The following PARD3B variants were observed in gnomAD, a reference collection of about 807,000 sequenced individuals.
The protein encoded by PARD3B is partitioning defective 3 homolog B.
Under a neutral mutation model 130.2 loss-of-function variants are expected in PARD3B, and 103 were observed. The ratio of observed to expected loss-of-function variants is 0.79; its 90% CI spans 0.67 to 0.93. The LOEUF (loss-of-function observed/expected upper bound fraction) is 0.93. Ranked by LOEUF, PARD3B falls within the 40% of genes least tolerant of loss-of-function variation. The pLI is 0.00. For synonymous variants in PARD3B, 583 were observed against 553.2 expected (o/e 1.05, Z -0.76); for missense variants, 1,609 against 1,499.2 (o/e 1.07, Z -1.21).
At chr2:205,072,614 G>A (rs1462640639) in intron 4 of PARD3B, among the ~76,000 whole-genome samples, 1 of 152,084 alleles carries the variant, frequency 6.6e-6, no homozygotes, top group East Asian at 1.9e-4. Context: ...CACAACTATG[G>A]TACAGTATAA....
chr2:204,616,336 A>G (rs559070608), intron 1 of PARD3B, among the ~76,000 whole-genome samples: 10 of 152,330 alleles, frequency 6.6e-5, no homozygotes, highest in African/African-American at 2.4e-4. Context: ...CTCAACAAAG[A>G]GGTACAGATG....
intron 18 of PARD3B, among the ~76,000 whole-genome samples, chr2:205,394,352 C>T (rs1337327966): frequency 2.0e-5 from 3 of 152,128 alleles, no homozygotes; most frequent in African/African-American, 7.2e-5. Context: ...ATACATGCTG[C>T]ATCACATTAA....
chr2:204,694,756 C>T (rs774271678), intron 2 of PARD3B, among the ~76,000 whole-genome samples: 15 of 151,848 alleles, frequency 9.9e-5, no homozygotes, highest in African/African-American at 2.4e-4. Flanking sequence ...ATGTGCCTTC[C>T]GCAATTTAGT....
intron 2 of PARD3B, among the ~76,000 whole-genome samples, chr2:204,847,292 T>G (rs2044504152): frequency 6.6e-6 from 1 of 151,266 alleles, no homozygotes; most frequent in Non-Finnish European, 1.5e-5. Flanking sequence ...GAAGCCACCA[T>G]AAGAAATATG....
chr2:204,707,419 A>G (rs776500169), intron 2 of PARD3B, among the ~76,000 whole-genome samples: 3 of 152,120 alleles, frequency 2.0e-5, no homozygotes, highest in Admixed American at 2.0e-4. Flanking sequence ...TTTGGCTTCT[A>G]TTTTATATGG....
At chr2:205,419,005 T>C (rs774573618) in intron 19 of PARD3B, among the ~76,000 whole-genome samples, 2 of 152,218 alleles carry the variant, frequency 1.3e-5, no homozygotes, top group Non-Finnish European at 2.9e-5. Flanking sequence ...AATATTTCTA[T>C]ACTTATAAGT....
Position 204,967,052 on chromosome 2 carries a change from C to T in PARD3B, c.394+1729C>T, listed in dbSNP as rs1575439189. On this transcript the variant is annotated intron_variant, in intron 3 of 22. Coordinates refer to ENST00000406610, the MANE Select transcript of PARD3B (RefSeq NM_001302769.2). This position sits in a 1 kb window ranked among gnomAD's most constrained non-coding sequence, Gnocchi z 4.4. The stretch of plus-strand genomic sequence containing the variant: ...TGTGAGAAACCATTTTGCTGTGCTG[C>T]CTCTGACATGCAATTCCTAAAACAA... Among the ~76,000 whole-genome samples, 2 of 152,280 alleles carry T rather than the reference C, an allele frequency of 1.3e-5. No homozygotes were observed. Among genetic ancestry groups the T allele is most frequent in the Non-Finnish European group, 2.9e-5 (2 of 68,026 alleles).
intron 1 of PARD3B, among the ~76,000 whole-genome samples, chr2:204,621,598 T>G (rs1019905526): frequency 2.0e-5 from 3 of 152,178 alleles, no homozygotes. Context: ...TTTTGGAAAT[T>G]TCTTATAAAT....
At chr2:204,652,050 GA>G (rs754737251) in intron 1 of PARD3B, among the ~76,000 whole-genome samples, 6 of 152,206 alleles carry the variant, frequency 3.9e-5, no homozygotes, top group Non-Finnish European at 5.9e-5. Context: ...CAGGACCTGT[GA>G]TGGGAGGGGC....
Position 204,996,985 on chromosome 2 carries a change from C to G in PARD3B, c.394+31662C>G, listed in dbSNP as rs1288710286. Among the ~76,000 whole-genome samples, 3 of 152,122 alleles carry G rather than the reference C, an allele frequency of 2.0e-5. No individual in the cohort carries two copies. In the East Asian group the frequency reaches 5.8e-4, roughly 29 times the overall value. ...ACTGGCCTGCGCCCACTGTCTGGCA[C>G]TCCCTAGTGAGATGAACCCGGTACC... On this transcript the variant is annotated intron_variant, in intron 3 of 22. Transcript: ENST00000406610.
intron 2 of PARD3B, among the ~76,000 whole-genome samples, chr2:204,963,875 A>G (rs1479741531): frequency 6.6e-6 from 1 of 152,218 alleles, no homozygotes; most frequent in East Asian, 1.9e-4. Context: ...GGATTTTCCA[A>G]TTAAAGAAGT....
intron 2 of PARD3B, among the ~76,000 whole-genome samples, chr2:204,787,942 G>A (rs889358211): frequency 1.3e-5 from 2 of 152,106 alleles, no homozygotes; most frequent in African/African-American, 4.8e-5. Flanking sequence ...GGAGCTCCTG[G>A]GGGCCTCCTG....
intron 19 of PARD3B, among the ~76,000 whole-genome samples, chr2:205,406,659 C>G (rs1382657662): frequency 1.1e-5 from 1 of 87,426 alleles, no homozygotes; most frequent in African/African-American, 4.7e-5. Context: ...TCTTGTGTAT[C>G]TTTTTTTTTT....
chr2:205,587,534 A>G (rs899495519), intron 22 of PARD3B, among the ~76,000 whole-genome samples: 1 of 152,180 alleles, frequency 6.6e-6, no homozygotes, highest in African/African-American at 2.4e-5. Context: ...TAAGAAACGC[A>G]GTAATACTAA....
chr2:204,998,394 A>ACATATATATATATGTATGTGTGTG, intron 3 of PARD3B, among the ~76,000 whole-genome samples: 1 of 75,942 alleles, frequency 1.3e-5, no homozygotes, highest in South Asian at 3.3e-4. Context: ...GTGTGTATAT[A>ACATATATATATATGTATGTGTGTG]TGTATATATG....
intron 18 of PARD3B, among the ~76,000 whole-genome samples, chr2:205,381,016 T>TGTATATA (rs1559035317): frequency 0.018 from 961 of 54,066 alleles, 231 homozygotes; most frequent in Non-Finnish European, 0.019. Context: ...ATATAAAGAA[T>TGTATATA]ATATATGATA....
intron 2 of PARD3B, among the ~76,000 whole-genome samples, chr2:204,731,650 A>G (rs1382906357): frequency 6.6e-6 from 1 of 152,188 alleles, no homozygotes; most frequent in Non-Finnish European, 1.5e-5. Flanking sequence ...ATAGAATCAC[A>G]CCTGAATTGA....
At chr2:205,302,252 A>G (rs1329337894) in intron 18 of PARD3B, among the ~76,000 whole-genome samples, 1 of 151,342 alleles carries the variant, frequency 6.6e-6, no homozygotes, top group East Asian at 2.0e-4. Context: ...TATTTTTAGT[A>G]GAGTGGAGTT....
rs1018526256 is a variant in PARD3B at position 205,351,273 on chromosome 2, G to A, written c.2630+49572G>A. ...TAAATACGGGTACATCTTTGAAACC[G>A]GTGTTTTTGATAAGACCACTCCTTT... On this transcript the variant is annotated intron_variant, in intron 18 of 22. Coordinates refer to ENST00000406610, the MANE Select transcript of PARD3B (RefSeq NM_001302769.2). This position sits in a 1 kb window ranked among gnomAD's most constrained non-coding sequence, Gnocchi z 4.2. Among the ~76,000 whole-genome samples, 7 of 152,098 alleles carry A rather than the reference G, an allele frequency of 4.6e-5. No individual in the cohort carries two copies. Among genetic ancestry groups the A allele is most frequent in the Admixed American group, 6.5e-5 (1 of 15,280 alleles).
Sources: gnomAD v4.1 joint callset for allele counts (sites outside exome capture counted in the v4.1 genomes callset) on GRCh38, gnomAD v4.1.1 for gene constraint, Gnocchi (gnomAD v3.1) non-coding constraint, MANE v1.5 for transcripts, NCBI Gene and HGNC (gene_info 2026-07-23, HGNC 2026-07-21) for gene names.